Variants in NTNG1 observed in about 807,000 individuals in gnomAD.
NTNG1 encodes the protein netrin-G1.
In NTNG1, 16 loss-of-function variants were observed where a neutral mutation model predicts 54.0. The observed-to-expected ratio is 0.30, with a 90% CI of 0.20 to 0.45. The LOEUF (loss-of-function observed/expected upper bound fraction) is 0.45. Ranked by LOEUF, NTNG1 falls within the 20% of genes least tolerant of loss-of-function variation. NTNG1 has a pLI of 1.00. For missense variants in NTNG1, 530 were observed against 678.7 expected (o/e 0.78, Z 2.43); for synonymous variants, 255 against 263.1 (o/e 0.97, Z 0.30).
chr1:107,233,311 T>C (rs2101541195), intron 2 of NTNG1, among the ~76,000 whole-genome samples: 1 of 152,342 alleles, frequency 6.6e-6, no homozygotes, highest in East Asian at 1.9e-4. Context: ...AATACTTTTA[T>C]TGAGCTTAAA....
intron 3 of NTNG1, among the ~76,000 whole-genome samples, chr1:107,392,088 A>G (rs1672400420): frequency 6.6e-6 from 1 of 152,096 alleles, no homozygotes; most frequent in Admixed American, 6.6e-5. Context: ...TTGGGGACAT[A>G]TTGAGTTAAG....
At chr1:107,382,504 T>C (rs1176077466) in intron 3 of NTNG1, among the ~76,000 whole-genome samples, 1 of 152,234 alleles carries the variant, frequency 6.6e-6, no homozygotes. Context: ...GACAGAAAGA[T>C]TGCAGGCATT....
intron 2 of NTNG1, among the ~76,000 whole-genome samples, chr1:107,320,846 G>T (rs1016901606): frequency 6.6e-6 from 1 of 151,726 alleles, no homozygotes; most frequent in Non-Finnish European, 1.5e-5. Context: ...GAGAACAATT[G>T]ATTTTTTCCC....
At chr1:107,353,777 G>T (rs1669772281) in intron 3 of NTNG1, among the ~76,000 whole-genome samples, 1 of 152,180 alleles carries the variant, frequency 6.6e-6, no homozygotes, top group Non-Finnish European at 1.5e-5. Flanking sequence ...GATTTAACTG[G>T]CTTATGTTTC....
intron 2 of NTNG1, among the ~76,000 whole-genome samples, chr1:107,278,292 AT>A (rs1401671908): frequency 6.6e-6 from 1 of 152,180 alleles, no homozygotes; most frequent in African/African-American, 2.4e-5. Flanking sequence ...GTCATTAAGT[AT>A]TTGCATTCCT....
At chr1:107,296,203 T>G (rs933424275) in intron 2 of NTNG1, among the ~76,000 whole-genome samples, 2 of 152,150 alleles carry the variant, frequency 1.3e-5, no homozygotes, top group Non-Finnish European at 2.9e-5. Flanking sequence ...AAAAGGGAAC[T>G]TACTGAATTT....
At chr1:107,282,963 G>T (rs1299615404) in intron 2 of NTNG1, among the ~76,000 whole-genome samples, 3 of 152,030 alleles carry the variant, frequency 2.0e-5, no homozygotes, top group Non-Finnish European at 2.9e-5. Context: ...TGACAGAGGG[G>T]GTGAGGAAGC....
intron 3 of NTNG1, among the ~76,000 whole-genome samples, chr1:107,358,852 G>A (rs1341599187): frequency 2.0e-5 from 3 of 152,176 alleles, no homozygotes; most frequent in Non-Finnish European, 4.4e-5. Context: ...AAGGATTGAA[G>A]TCTGTGCCTT....
rs558678774 is a variant in NTNG1, at chr1:107,221,221, A to T, written c.246+72382A>T. Among the ~76,000 whole-genome samples the T allele has an allele frequency of 5.3e-5, 8 of 152,220 alleles. No individual in the cohort carries two copies. In the East Asian group the frequency reaches 1.5e-3, roughly 29 times the overall value. ...ATTTCATACAGTCCATCCTAATGAGAATATCTCAATATACTTATTAGCTTT... is the reference window on the plus strand; with the variant it reads ...ATTTCATACAGTCCATCCTAATGAGTATATCTCAATATACTTATTAGCTTT... On this transcript the variant is annotated intron_variant, in intron 2 of 7. Coordinates refer to ENST00000370068, the MANE Select transcript of NTNG1 (RefSeq NM_001113226.3).
chr1:107,274,086 A>G (rs1282432632), intron 2 of NTNG1, among the ~76,000 whole-genome samples: 2 of 152,198 alleles, frequency 1.3e-5, no homozygotes, highest in Non-Finnish European at 2.9e-5. Context: ...GAGTTTGTAT[A>G]ATAACCCATT....
At chr1:107,367,929 T>G (rs1332035007) in intron 3 of NTNG1, among the ~76,000 whole-genome samples, 2 of 152,066 alleles carry the variant, frequency 1.3e-5, no homozygotes, top group East Asian at 3.9e-4. Context: ...GCCCAGCTAA[T>G]TTTTGTAATT....
At chr1:107,229,705 T>A (rs1335188425) in intron 2 of NTNG1, among the ~76,000 whole-genome samples, 1 of 151,940 alleles carries the variant, frequency 6.6e-6, no homozygotes, top group East Asian at 1.9e-4. Flanking sequence ...GCCATGACAG[T>A]TTGCAAAAAC....
chr1:107,442,802 TC>T lies in NTNG1; in HGVS notation c.1390+6004del, dbSNP rs1318240091. Among the ~76,000 whole-genome samples, 7 of 29,136 alleles carry T rather than the reference TC, an allele frequency of 2.4e-4. No homozygotes were observed. In the Admixed American group the frequency reaches 2.6e-3, roughly 11 times the overall value. The allele number at this position is 29,136 out of a possible 152,430, so 19.1% of individuals were successfully genotyped here. ...AGTCCCTTCTTTGATGAAAGTTTTT[TC>T]ATATGAAGCAGCTTGATAACATATG... On this transcript the variant is annotated intron_variant, in intron 7 of 7. Coordinates refer to ENST00000370068, the MANE Select transcript of NTNG1 (RefSeq NM_001113226.3).
chr1:107,154,749 GATATATATATATATATCAGGTTGGA>G (rs1195863491), intron 2 of NTNG1, among the ~76,000 whole-genome samples: 1 of 147,406 alleles, frequency 6.8e-6, no homozygotes, highest in Non-Finnish European at 1.5e-5. Flanking sequence ...TAAAGAACCT[GATATATATATATATATCAGGTTGGA>G]ATATATATAT....
chr1:107,432,304 G>A (rs1675320500), intron 6 of NTNG1, among the ~76,000 whole-genome samples: 1 of 152,154 alleles, frequency 6.6e-6, no homozygotes, highest in Non-Finnish European at 1.5e-5. Context: ...AGTGGGGTAA[G>A]TATTACACTA....
intron 2 of NTNG1, among the ~76,000 whole-genome samples, chr1:107,156,472 A>C (rs189539609): frequency 2.8e-4 from 42 of 152,330 alleles, no homozygotes; most frequent in African/African-American, 7.9e-4. Flanking sequence ...TGAAAATATC[A>C]TCAAGATATC....
At chr1:107,282,409 A>G (rs539596796) in intron 2 of NTNG1, among the ~76,000 whole-genome samples, 1 of 152,078 alleles carries the variant, frequency 6.6e-6, no homozygotes, top group African/African-American at 2.4e-5. Context: ...TGAATTTACT[A>G]TATCAATATT....
At chr1:107,370,580 C>T (rs1260095059) in intron 3 of NTNG1, among the ~76,000 whole-genome samples, 1 of 151,824 alleles carries the variant, frequency 6.6e-6, no homozygotes, top group Non-Finnish European at 1.5e-5. Flanking sequence ...TCTAGCTTAG[C>T]TCCCACTTAT....
At chr1:107,174,594 A>G (rs1037489324) in intron 2 of NTNG1, among the ~76,000 whole-genome samples, 4 of 151,966 alleles carry the variant, frequency 2.6e-5, no homozygotes, top group Non-Finnish European at 5.9e-5. Context: ...TATGACAGCA[A>G]TTAACACAGT....
Sources: gnomAD v4.1 joint callset for allele counts (sites outside exome capture counted in the v4.1 genomes callset) on GRCh38, gnomAD v4.1.1 for gene constraint, MANE v1.5 for transcripts, NCBI Gene and HGNC (gene_info 2026-07-23, HGNC 2026-07-21) for gene names.